ASB3: variants seen among roughly 807,000 people sequenced by gnomAD.
ASB3 encodes ankyrin repeat and SOCS box containing 3.
In ASB3, 41 loss-of-function variants were observed where a neutral mutation model predicts 54.5. The observed-to-expected ratio is 0.75, with a 90% CI of 0.59 to 0.98. The LOEUF is 0.98. ASB3 is among the 50% of genes least tolerant of loss of function. The probability of loss-of-function intolerance (pLI) is 0.00; values close to 1 mark genes in which losing one functional copy is unlikely to be tolerated. For synonymous variants in ASB3, 266 were observed against 221.2 expected (o/e 1.20, Z -1.80); for missense variants, 733 against 620.0 (o/e 1.18, Z -1.94).
At chr2:53,758,123 G>T (rs1340378240) in intron 2 of ASB3, among the ~76,000 whole-genome samples, 1 of 152,176 alleles carries the variant, frequency 6.6e-6, no homozygotes, top group Admixed American at 6.5e-5. Context: ...ACCTATAATT[G>T]ATAACTGAAG....
rs149733860 is a variant in ASB3 at position 53,691,514 on chromosome 2, G to A, written c.1369+2370C>T. Reference sequence around the variant, plus strand: ...TATGATAAGTTATTGGAGGAAGAGGGGTAAAAGCAAGAAGGTCAGTTTTGT... The same window carrying A: ...TATGATAAGTTATTGGAGGAAGAGGAGTAAAAGCAAGAAGGTCAGTTTTGT... On this transcript the variant is annotated intron_variant, in intron 9 of 9. Transcript: ENST00000263634. 9.2e-4 allele frequency among the ~76,000 whole-genome samples: 140 copies of A among 152,106 alleles called. 1 individual carries two copies. Among genetic ancestry groups the A allele is most frequent in the African/African-American group, 3.3e-3 (137 of 41,506 alleles).
At chr2:53,693,752 C>T in intron 9 of ASB3, 132 bp downstream of exon 9, 1 of 1,291,460 alleles carries the variant, frequency 7.7e-7, no homozygotes, top group Middle Eastern at 2.2e-4. Context: ...CCATCTTTTC[C>T]TCACATAAGA....
At chr2:53,726,820 C>T in intron 5 of ASB3, among the ~76,000 whole-genome samples, 1 of 151,876 alleles carries the variant, frequency 6.6e-6, no homozygotes. Flanking sequence ...CCTCAGCCTC[C>T]CCAGTAGCTC....
intron 3 of ASB3, among the ~76,000 whole-genome samples, chr2:53,747,407 G>A (rs1191638037): frequency 3.3e-5 from 5 of 152,218 alleles, no homozygotes; most frequent in African/African-American, 7.2e-5. Context: ...TTAGCCAGGC[G>A]TGGTGGCGGG....
chr2:53,758,916 G>C (rs1672987841), intron 2 of ASB3, among the ~76,000 whole-genome samples: 3 of 152,128 alleles, frequency 2.0e-5, no homozygotes, highest in Admixed American at 6.5e-5. Flanking sequence ...TTCCCTGTCA[G>C]ACTTGAAGCA....
intron 1 of ASB3, 75 bp downstream of exon 1, chr2:53,786,746 C>A (rs1241645454): frequency 3.7e-5 from 6 of 163,538 alleles, no homozygotes; most frequent in Non-Finnish European, 8.0e-5. Context: ...CCGTGTGGGT[C>A]AAACCTCTGC....
intron 3 of ASB3, among the ~76,000 whole-genome samples, chr2:53,739,363 G>T (rs1671809447): frequency 1.3e-5 from 2 of 151,924 alleles, no homozygotes; most frequent in Admixed American, 1.3e-4. Flanking sequence ...ACTCAAAACG[G>T]GACTCTCATC....
intron 1 of ASB3, chr2:53,768,163 A>G (rs936736434): frequency 2.0e-5 from 19 of 971,094 alleles, no homozygotes; most frequent in Non-Finnish European, 2.6e-5. Context: ...ATTTCTGTAG[A>G]TTTTCCCTGC....
At chr2:53,710,983 T>A (rs1670062679) in intron 7 of ASB3, among the ~76,000 whole-genome samples, 1 of 150,942 alleles carries the variant, frequency 6.6e-6, no homozygotes, top group African/African-American at 2.4e-5. Context: ...AAAAAAAAAA[T>A]TCCAGGCATG....
At chr2:53,760,232 C>A (rs1044652048) in intron 2 of ASB3, among the ~76,000 whole-genome samples, 2 of 152,156 alleles carry the variant, frequency 1.3e-5, no homozygotes, top group African/African-American at 4.8e-5. Context: ...AGTATGCTTA[C>A]CTAACTCTCC....
At chr2:53,761,741 T>C (rs1235869883) in intron 2 of ASB3, among the ~76,000 whole-genome samples, 2 of 152,214 alleles carry the variant, frequency 1.3e-5, no homozygotes, top group Non-Finnish European at 2.9e-5. Flanking sequence ...AAATCCCCTC[T>C]TGTCTATCTA....
At chr2:53,777,421 G>A (rs182068809) in intron 1 of ASB3, among the ~76,000 whole-genome samples, 267 of 152,250 alleles carry the variant, frequency 1.8e-3, no homozygotes, top group African/African-American at 6.2e-3. Flanking sequence ...ACATTTCATT[G>A]TGTTTCCAGT....
intron 9 of ASB3, among the ~76,000 whole-genome samples, chr2:53,688,085 G>A (rs758755838): frequency 2.0e-5 from 3 of 152,312 alleles, no homozygotes; most frequent in Non-Finnish European, 2.9e-5. Context: ...CTCTCAAAGT[G>A]GGATTACAGG....
Position 53,765,371 on chromosome 2 carries a change from C to A in ASB3, c.196+6G>T, listed in dbSNP as rs1030724591. 6.2e-7 allele frequency: 1 copy of A among 1,614,128 alleles called. No homozygotes were observed. Among genetic ancestry groups the A allele is most frequent in the East Asian group, 2.2e-5 (1 of 44,888 alleles). ...GCAAAGCCTCCATACCTTGAATTTA[C>A]TTTACCTGCATTAATTAACATTTGC... On this transcript the variant is annotated splice_donor_region_variant and intron_variant, in intron 2 of 9. Transcript: ENST00000263634.
At chr2:53,693,160 T>C (rs1572853987) in intron 9 of ASB3, among the ~76,000 whole-genome samples, 1 of 152,138 alleles carries the variant, frequency 6.6e-6, no homozygotes, top group Non-Finnish European at 1.5e-5. Context: ...TTAAGACATA[T>C]AATATGGTTA....
At chr2:53,777,119 T>G (rs1674384484) in intron 1 of ASB3, among the ~76,000 whole-genome samples, 1 of 152,228 alleles carries the variant, frequency 6.6e-6, no homozygotes, top group African/African-American at 2.4e-5. Flanking sequence ...CGCCCACACA[T>G]GTACACACAC....
At chr2:53,767,496 C>T (rs1673546383) in intron 1 of ASB3, 1 of 177,636 alleles carries the variant, frequency 5.6e-6, no homozygotes, top group Non-Finnish European at 1.2e-5. Flanking sequence ...ACGACTCCTG[C>T]TCTTTTCTCC....
chr2:53,686,421 T>A (rs1668634418), intron 9 of ASB3, among the ~76,000 whole-genome samples: 1 of 152,176 alleles, frequency 6.6e-6, no homozygotes, highest in Non-Finnish European at 1.5e-5. Context: ...TTTTATATAT[T>A]GGTCACCTTT....
intron 7 of ASB3, among the ~76,000 whole-genome samples, chr2:53,710,794 T>C (rs532951079): frequency 2.0e-5 from 3 of 152,312 alleles, no homozygotes; most frequent in Admixed American, 2.0e-4. Flanking sequence ...ACTCAGGGTC[T>C]AGCCTGAGAC....
Sources: allele counts gnomAD v4.1 joint callset (sites outside exome capture counted in the v4.1 genomes callset), GRCh38; gene constraint gnomAD v4.1.1; transcripts MANE v1.5; gene names NCBI Gene and HGNC (gene_info 2026-07-23, HGNC 2026-07-21).